The following SVIL variants were observed in gnomAD, a reference collection of about 807,000 sequenced individuals.
SVIL encodes the protein supervillin.
SVIL carries 101 observed loss-of-function variants against 240.4 expected under a neutral mutation model. The observed-to-expected ratio is 0.42, with a 90% CI of 0.36 to 0.50. SVIL has a LOEUF of 0.50. Among genes scored for constraint, SVIL ranks in the 20% least tolerant of loss-of-function variants. The pLI is 0.01. For synonymous variants in SVIL, 999 were observed against 1,100.0 expected, an observed-to-expected ratio of 0.91 and a Z score of 1.82; for missense variants, 2,512 against 2,818.7, an observed-to-expected ratio of 0.89 and a Z score of 2.46.
In SVIL at chr10:29,718,054, G is replaced by A. The variant is rs537730752; in HGVS notation, c.-400+17697C>T. Among the ~76,000 whole-genome samples the A allele has an allele frequency of 5.3e-5, 8 of 152,218 alleles. No individual in the cohort carries two copies. The East Asian group carries it at 5.8e-4, about 11-fold the overall frequency. ...AATTTCACCTGTTTCGTGGCCAGGC[G>A]CAGTGGCTCACACCTGTAATCCCAG... On this transcript the variant is annotated intron_variant, in intron 1 of 35. Transcript: ENST00000375400.
At chr10:29,506,662 G>C (rs1031211098) in intron 17 of SVIL, among the ~76,000 whole-genome samples, 4 of 149,654 alleles carry the variant, frequency 2.7e-5, no homozygotes, top group African/African-American at 9.8e-5. Context: ...GCCCTGGAGG[G>C]AGGGGACAGA....
intron 1 of SVIL, among the ~76,000 whole-genome samples, chr10:29,732,349 A>G (rs1340044338): frequency 6.6e-6 from 1 of 152,226 alleles, no homozygotes; most frequent in Admixed American, 6.5e-5. Context: ...GGTATAAAAT[A>G]GCAAAAAATG....
At chr10:29,459,282 T>C (rs1444363237) in intron 36 of SVIL, among the ~76,000 whole-genome samples, 1 of 152,148 alleles carries the variant, frequency 6.6e-6, no homozygotes, top group East Asian at 1.9e-4. Context: ...ACCTAATAAT[T>C]TAAAAAATTT....
intron 1 of SVIL, among the ~76,000 whole-genome samples, chr10:29,574,492 A>T (rs1172676909): frequency 1.3e-5 from 2 of 152,184 alleles, no homozygotes; most frequent in African/African-American, 4.8e-5. Flanking sequence ...CAGTGATATC[A>T]CTGGAACAAA....
chr10:29,477,084 C>T (rs534257121), intron 29 of SVIL, among the ~76,000 whole-genome samples: 11 of 152,110 alleles, frequency 7.2e-5, no homozygotes, highest in Middle Eastern at 3.4e-3. Flanking sequence ...AGGATAGTCT[C>T]GAACTCCTGA....
rs145704372 is a variant in SVIL at position 29,493,377 on chromosome 10, C to G, written c.3856G>C (p.Glu1286Gln). 6.2e-7 allele frequency: 1 copy of G among 1,613,986 alleles called. No homozygotes were observed. Among genetic ancestry groups the G allele is most frequent in the African/African-American group, 1.3e-5 (1 of 74,904 alleles). ...TTGCCGGTGACAGTGAGCACCGTTTCGTGCATCCCGCCAACTATCAACAAA... is the reference window on the plus strand; with the variant it reads ...TTGCCGGTGACAGTGAGCACCGTTTGGTGCATCCCGCCAACTATCAACAAA... ...RLNNKVGGMH[E>Q]TVLTVTGKSV... Residue 1286 changes from glutamate to glutamine, a missense_variant, in exon 21 of 38, where the codon GAA becomes CAA. Around this residue, in one of 3 missense-constraint regions of SVIL, gnomAD observed 272 missense variants for 406.8 expected, o/e 0.67. Transcript: ENST00000355867.
At chr10:29,685,028 C>G (rs1001004405) in intron 2 of SVIL, among the ~76,000 whole-genome samples, 2 of 152,066 alleles carry the variant, frequency 1.3e-5, no homozygotes, top group Admixed American at 6.5e-5. Context: ...AGGTAGGAAG[C>G]GTAGTACCCA....
Position 29,480,812 on chromosome 10 carries a change from T to G in SVIL, c.5102A>C (p.Glu1701Ala), listed in dbSNP as rs765750788. ...KNPGELAQHK[E>A]DPRTDVKAYD... ...TGCCTTGACATCAGTCCTGGGGTCT[T>G]CCTACAGGGGAACACAAAGACATCA... The change falls in exon 29 of 38, where the codon GAA (glutamate) becomes GCA (alanine). Residue 1701 changes from glutamate (E) to alanine (A), a missense_variant and splice_region_variant. By Grantham distance (107) the Glu-to-Ala change is moderately radical. Transcript: ENST00000355867. 1 of 1,602,646 alleles carries G rather than the reference T, an allele frequency of 6.2e-7. No individual in the cohort carries two copies. Among genetic ancestry groups the G allele is most frequent in the Non-Finnish European group, 8.5e-7 (1 of 1,174,896 alleles).
rs566117965 is a variant in SVIL, at chr10:29,528,193, T to A, written c.2247-1137A>T. Among the ~76,000 whole-genome samples the A allele has an allele frequency of 2.1e-3, 314 of 152,244 alleles. 1 individual carries two copies. The highest frequency in any genetic ancestry group is 2.7e-3 in the Non-Finnish European group (185 of 68,010). ...CCAGCCATTCAAATATTTCTTTTTT[T>A]AAAAAACAAACTGATTTGCAAAGAG... On this transcript the variant is annotated intron_variant, in intron 12 of 37. Coordinates refer to ENST00000355867, the MANE Select transcript of SVIL (RefSeq NM_021738.3).
upstream of SVIL, among the ~76,000 whole-genome samples, chr10:29,637,903 C>A (rs904211989): frequency 1.3e-5 from 2 of 152,170 alleles, no homozygotes; most frequent in African/African-American, 4.8e-5. Flanking sequence ...CATAGCATTT[C>A]CCAGATGACA....
chr10:29,622,266 A>G (rs1957686712), intron 1 of SVIL, among the ~76,000 whole-genome samples: 1 of 150,252 alleles, frequency 6.7e-6, no homozygotes, highest in Admixed American at 6.6e-5. Flanking sequence ...AAAAAAAAAA[A>G]AAAAAAAAAG....
chr10:29,564,625 C>T (rs911508696), intron 2 of SVIL, among the ~76,000 whole-genome samples: 1 of 151,944 alleles, frequency 6.6e-6, no homozygotes, highest in African/African-American at 2.4e-5. Context: ...AACCTCTACC[C>T]CCTGTAAAAA....
intron 1 of SVIL, among the ~76,000 whole-genome samples, chr10:29,706,439 T>G (rs971487947): frequency 6.6e-6 from 1 of 152,246 alleles, no homozygotes; most frequent in African/African-American, 2.4e-5. Flanking sequence ...GTTTGTTGGC[T>G]GCATACATGT....
chr10:29,519,376 C>T (rs1475137050), intron 16 of SVIL, among the ~76,000 whole-genome samples: 2 of 152,088 alleles, frequency 1.3e-5, no homozygotes, highest in Non-Finnish European at 1.5e-5. Flanking sequence ...CCGAATCCCT[C>T]CTTTGGTAAA....
At chr10:29,726,651 G>A (rs183259487) in intron 1 of SVIL, among the ~76,000 whole-genome samples, 1 of 152,276 alleles carries the variant, frequency 6.6e-6, no homozygotes, top group East Asian at 1.9e-4. Context: ...GGAGGCTGAG[G>A]CAGGAGAATG....
chr10:29,639,549 A>G (rs1206809660), upstream of SVIL, among the ~76,000 whole-genome samples: 3 of 149,474 alleles, frequency 2.0e-5, no homozygotes, highest in African/African-American at 7.4e-5. Flanking sequence ...GCTCACTGCA[A>G]CCTTCACCTC....
intron 25 of SVIL, 79 bp downstream of exon 25, chr10:29,486,331 T>G (rs79906374): frequency 1.9e-6 from 3 of 1,595,730 alleles, no homozygotes; most frequent in Non-Finnish European, 2.6e-6. Context: ...TTATTTACAA[T>G]GTAAAATAGA....
At chr10:29,534,217 G>C (rs542406829) in intron 7 of SVIL, among the ~76,000 whole-genome samples, 35 of 152,322 alleles carry the variant, frequency 2.3e-4, no homozygotes, top group Non-Finnish European at 4.3e-4. Flanking sequence ...AATCCCAAAA[G>C]AGAGGCCGGG....
chr10:29,728,609 G>C (rs769209247), intron 1 of SVIL, among the ~76,000 whole-genome samples: 2 of 152,126 alleles, frequency 1.3e-5, no homozygotes, highest in South Asian at 4.1e-4. Flanking sequence ...TGTCAAAAAG[G>C]GGGAGGAAGG....
Sources: gnomAD v4.1 joint callset for allele counts (sites outside exome capture counted in the v4.1 genomes callset) on GRCh38, gnomAD v4.1.1 for gene constraint, gnomAD v4.1.1 regional missense constraint, MANE v1.5 for transcripts, NCBI Gene and HGNC (gene_info 2026-07-23, HGNC 2026-07-21) for gene names.